Variants in MAML2 observed in about 807,000 individuals in gnomAD.
MAML2 encodes the protein mastermind like transcriptional coactivator 2.
Under a neutral mutation model 96.1 loss-of-function variants are expected in MAML2, and 22 were observed. That is an observed-to-expected ratio of 0.23 (90% CI 0.16 to 0.33). The LOEUF (loss-of-function observed/expected upper bound fraction) is 0.33, where lower values mean the gene tolerates loss of function less well. Ranked by LOEUF, MAML2 falls within the 10% of genes least tolerant of loss-of-function variation. MAML2 has a pLI of 1.00. For missense variants in MAML2, 1,367 were observed against 1,392.4 expected (o/e 0.98, Z 0.29); for synonymous variants, 561 against 521.3 (o/e 1.08, Z -1.04).
intron 1 of MAML2, among the ~76,000 whole-genome samples, chr11:96,189,275 T>G (rs1167510549): frequency 6.6e-6 from 1 of 152,220 alleles, no homozygotes; most frequent in Non-Finnish European, 1.5e-5. Flanking sequence ...CTCTGAACAA[T>G]TTTTTAAACA....
At chr11:96,245,017 A>G (rs1482827265) in intron 1 of MAML2, among the ~76,000 whole-genome samples, 2 of 152,234 alleles carry the variant, frequency 1.3e-5, no homozygotes, top group Non-Finnish European at 2.9e-5. Context: ...ACTGAACTGT[A>G]GAAACAATGA....
intron 3 of MAML2, among the ~76,000 whole-genome samples, chr11:95,990,529 T>G (rs1442074887): frequency 6.6e-6 from 1 of 152,212 alleles, no homozygotes; most frequent in Admixed American, 6.5e-5. Flanking sequence ...TTCTAGTAGT[T>G]ACCAGAGTAT....
At chr11:96,161,856 A>G (rs1479863883) in intron 1 of MAML2, among the ~76,000 whole-genome samples, 2 of 152,194 alleles carry the variant, frequency 1.3e-5, no homozygotes, top group African/African-American at 4.8e-5. Context: ...GGTTTAGGAA[A>G]TATAATCATG....
chr11:96,201,455 A>C (rs1740884580), intron 1 of MAML2, among the ~76,000 whole-genome samples: 1 of 152,228 alleles, frequency 6.6e-6, no homozygotes, highest in Non-Finnish European at 1.5e-5. Flanking sequence ...AGTTTTGTTC[A>C]ATATGTTTCA....
chr11:96,189,286 A>T (rs1405231074), intron 1 of MAML2, among the ~76,000 whole-genome samples: 1 of 152,234 alleles, frequency 6.6e-6, no homozygotes, highest in Non-Finnish European at 1.5e-5. Flanking sequence ...TTTTTAAACA[A>T]GTAGCCATTT....
intron 2 of MAML2, among the ~76,000 whole-genome samples, chr11:96,070,337 G>A (rs1196053970): frequency 6.6e-6 from 1 of 152,120 alleles, no homozygotes; most frequent in Admixed American, 6.6e-5. Flanking sequence ...AACAAAAACA[G>A]GGCTGAAACA....
chr11:96,302,710 A>G (rs1254654798), intron 1 of MAML2, among the ~76,000 whole-genome samples: 1 of 152,190 alleles, frequency 6.6e-6, no homozygotes, highest in African/African-American at 2.4e-5. Context: ...AGAAACCCCA[A>G]GTTCTTGTAA....
chr11:95,979,979 G>A lies in MAML2; in HGVS notation c.2456-16C>T, dbSNP rs369830704. ...GATGAGCCACCTGAGAAAAAGAAGA[G>A]AATTTTATTAGTTCGTAGCAGCATG... On this transcript the variant is annotated splice_polypyrimidine_tract_variant and intron_variant, in intron 4 of 4. Transcript: ENST00000524717. 6 of 1,596,572 alleles carry A rather than the reference G, an allele frequency of 3.8e-6. No individual in the cohort carries two copies. The African/African-American group carries it at 8.1e-5, about 21-fold the overall frequency.
chr11:96,088,279 T>G (rs545592542), intron 2 of MAML2, among the ~76,000 whole-genome samples: 20 of 152,250 alleles, frequency 1.3e-4, no homozygotes, highest in Middle Eastern at 3.4e-3. Context: ...CTCCAAGAAG[T>G]TTTAGATATG....
intron 1 of MAML2, among the ~76,000 whole-genome samples, chr11:96,120,930 C>T (rs10765791): frequency 0.36 from 55,354 of 152,078 alleles, 10,444 homozygotes; most frequent in East Asian, 0.57. Context: ...GCCTCCAAAT[C>T]GCTCAAGGGA....
intron 1 of MAML2, among the ~76,000 whole-genome samples, chr11:96,145,185 T>A (rs1860797102): frequency 6.6e-6 from 1 of 152,180 alleles, no homozygotes; most frequent in Admixed American, 6.5e-5. Context: ...ATGCTTTATT[T>A]AGGGCTAAGA....
At chr11:96,044,582 T>C (rs775906453) in intron 2 of MAML2, among the ~76,000 whole-genome samples, 1 of 152,174 alleles carries the variant, frequency 6.6e-6, no homozygotes, top group Non-Finnish European at 1.5e-5. Flanking sequence ...TCAATAATTA[T>C]ATTTGGAATG....
At chr11:96,276,697 A>G (rs1056947746) in intron 1 of MAML2, among the ~76,000 whole-genome samples, 2 of 152,012 alleles carry the variant, frequency 1.3e-5, no homozygotes, top group African/African-American at 4.8e-5. Flanking sequence ...TAAAACACCA[A>G]TCAGGTCGAA....
chr11:95,978,330 T>C lies in MAML2; in HGVS notation c.*618A>G, dbSNP rs989472636. On this transcript the variant is annotated 3_prime_UTR_variant, in exon 5 of 5. Coordinates refer to ENST00000524717, the MANE Select transcript of MAML2 (RefSeq NM_032427.4). ...CACAGCATCCCACTGAAGTAGAGGA[T>C]TGTGGGAAAATTGTAAAAGTGAGGA... The C allele has an allele frequency of 5.0e-6, 1 of 198,536 alleles. No individual in the cohort carries two copies. Among genetic ancestry groups the C allele is most frequent in the East Asian group, 7.9e-5 (1 of 12,694 alleles). 12.3% of individuals were successfully genotyped at this position (198,536 alleles called of 1,614,324 possible).
At chr11:96,142,347 G>T (rs1860748238) in intron 1 of MAML2, among the ~76,000 whole-genome samples, 1 of 152,190 alleles carries the variant, frequency 6.6e-6, no homozygotes, top group African/African-American at 2.4e-5. Flanking sequence ...AATGATGGAA[G>T]AATTAGGGAA....
At chr11:96,303,033 T>C (rs937402749) in intron 1 of MAML2, among the ~76,000 whole-genome samples, 3 of 152,212 alleles carry the variant, frequency 2.0e-5, no homozygotes, top group African/African-American at 7.2e-5. Context: ...AGGGCACAGA[T>C]ATTAGTACAG....
chr11:96,200,840 G>T (rs1565246613), intron 1 of MAML2, among the ~76,000 whole-genome samples: 1 of 152,078 alleles, frequency 6.6e-6, no homozygotes, highest in East Asian at 1.9e-4. Context: ...AGAGGGCAAT[G>T]GTACCATCTC....
chr11:96,175,951 G>C (rs1861380927), intron 1 of MAML2, among the ~76,000 whole-genome samples: 1 of 152,122 alleles, frequency 6.6e-6, no homozygotes, highest in African/African-American at 2.4e-5. Flanking sequence ...AATATAGGTT[G>C]CCTCTAATTC....
chr11:96,342,271 C>A lies in MAML2; in HGVS notation c.-376G>T. Reference sequence around the variant, plus strand: ...CGATCTGGGGGTTAGATCAAGAATTCAGGGATTGTCCAGCAAGAGACAGAA... The same window carrying A: ...CGATCTGGGGGTTAGATCAAGAATTAAGGGATTGTCCAGCAAGAGACAGAA... On this transcript the variant is annotated 5_prime_UTR_variant, in exon 1 of 5. Coordinates refer to ENST00000524717, the MANE Select transcript of MAML2 (RefSeq NM_032427.4). 1 of 432,444 alleles carries A rather than the reference C, an allele frequency of 2.3e-6. No individual in the cohort carries two copies. 26.8% of individuals were successfully genotyped at this position (432,444 alleles called of 1,614,324 possible). A position where few individuals can be genotyped will look rare whatever the true frequency, so the allele number is the denominator to read the frequency against.
Sources: allele counts gnomAD v4.1 joint callset (sites outside exome capture counted in the v4.1 genomes callset), GRCh38; gene constraint gnomAD v4.1.1; transcripts MANE v1.5; gene names NCBI Gene and HGNC (gene_info 2026-07-23, HGNC 2026-07-21).